The following KCTD10 variants were observed in gnomAD, a reference collection of about 807,000 sequenced individuals.
The protein encoded by KCTD10 is potassium channel tetramerization domain containing 10, also known as BTB/POZ domain-containing adapter for CUL3-mediated RhoA degradation protein 3.
KCTD10 carries 13 observed loss-of-function variants against 34.6 expected under a neutral mutation model. The ratio of observed to expected loss-of-function variants is 0.38; its 90% CI spans 0.24 to 0.60. The LOEUF is 0.60. Among genes scored for constraint, KCTD10 ranks in the 20% least tolerant of loss-of-function variants. The probability of loss-of-function intolerance (pLI) is 0.66; values close to 1 mark genes in which losing one functional copy is unlikely to be tolerated. For synonymous variants in KCTD10, 156 were observed against 168.8 expected (o/e 0.92, Z 0.59); for missense variants, 256 against 420.3 (o/e 0.61, Z 3.42).
chr12:109,473,335 G>A (rs899409512), intron 1 of KCTD10, among the ~76,000 whole-genome samples: 1 of 152,124 alleles, frequency 6.6e-6, no homozygotes, highest in Non-Finnish European at 1.5e-5. Flanking sequence ...TGTGCATAAG[G>A]CCCCAGCCCT....
At chr12:109,455,973 A>C (rs1267840355) in intron 6 of KCTD10, 145 bp downstream of exon 6, 3 of 821,948 alleles carry the variant, frequency 3.6e-6, no homozygotes. Flanking sequence ...AGGGCCTAAA[A>C]GATAAATATT....
chr12:109,458,029 G>T lies in KCTD10; in HGVS notation c.437C>A (p.Ser146Tyr), dbSNP rs753877578. Residue 146 changes from serine to tyrosine, a missense_variant, in exon 4 of 7, where the codon TCC becomes TAC. Physicochemically the swap from Ser to Tyr is moderately radical, Grantham distance 144 (BLOSUM62 -2). Transcript: ENST00000228495. The part of the protein sequence containing the change: ...PFCKVPVITS[S>Y]KEEQKLIATS... ...CGCTATAAGTTTTTGTTCTTCCTTG[G>T]ATGAGGTGATCACAGGGACCTTGCA... 1.2e-6 allele frequency: 2 copies of T among 1,614,120 alleles called. No homozygotes were observed. The highest frequency in any genetic ancestry group is 2.2e-5 in the South Asian group (2 of 91,076).
At chr12:109,462,446 A>T (rs1873385855) in intron 2 of KCTD10, among the ~76,000 whole-genome samples, 1 of 152,272 alleles carries the variant, frequency 6.6e-6, no homozygotes, top group African/African-American at 2.4e-5. Context: ...TTCAGGGAAG[A>T]AAGAGGCCTT....
chr12:109,453,299 C>T (rs1320080270), intron 6 of KCTD10, among the ~76,000 whole-genome samples: 1 of 151,704 alleles, frequency 6.6e-6, no homozygotes, highest in Admixed American at 6.6e-5. Context: ...AAATGATTCT[C>T]CCACCTCAGC....
In KCTD10 at chr12:109,472,553, T is replaced by C. The variant is rs117719326; in HGVS notation, c.4-2825A>G. Among the ~76,000 whole-genome samples the C allele has an allele frequency of 9.8e-4, 150 of 152,292 alleles. 1 individual carries two copies. The East Asian group carries it at 0.019, about 19-fold the overall frequency. ...GTAGGAGTATATTCTAAAATAACCATTAATAGTAAATACATTAACCAGTGA... is the reference window on the plus strand; with the variant it reads ...GTAGGAGTATATTCTAAAATAACCACTAATAGTAAATACATTAACCAGTGA... On this transcript the variant is annotated intron_variant, in intron 1 of 6. Transcript: ENST00000228495.
At chr12:109,453,430 G>A (rs1387725751) in intron 6 of KCTD10, among the ~76,000 whole-genome samples, 1 of 152,198 alleles carries the variant, frequency 6.6e-6, no homozygotes, top group East Asian at 1.9e-4. Flanking sequence ...CTGGACTCAA[G>A]CAATCCTTCT....
At chr12:109,461,229 C>T (rs1873309017) in intron 2 of KCTD10, among the ~76,000 whole-genome samples, 1 of 152,230 alleles carries the variant, frequency 6.6e-6, no homozygotes, top group Non-Finnish European at 1.5e-5. Flanking sequence ...CACAAAGCTT[C>T]CTTCAAACTG....
intron 6 of KCTD10, among the ~76,000 whole-genome samples, chr12:109,453,508 T>C (rs1473882993): frequency 6.6e-6 from 1 of 152,190 alleles, no homozygotes; most frequent in African/African-American, 2.4e-5. Context: ...CTTTATTTTC[T>C]TGCACCCAGA....
Position 109,460,944 on chromosome 12 carries a change from C to A in KCTD10, c.218-139G>T, listed in dbSNP as rs1369320309. 8.7e-6 allele frequency: 7 copies of A among 807,534 alleles called. No individual in the cohort carries two copies. In the African/African-American group the frequency reaches 1.0e-4, roughly 12 times the overall value. The allele number at this position is 807,534 out of a possible 1,614,324, so 50.0% of individuals were successfully genotyped here. On this transcript the variant is annotated intron_variant, in intron 2 of 6. Transcript: ENST00000228495. This position sits in a 1 kb window ranked among gnomAD's most constrained non-coding sequence, Gnocchi z 4.5. ...CCTGGAGAATGGCAGCCTCACCTGC[C>A]TACCTGCCCACTAAGGGCTGAGGAA...
chr12:109,475,352 C>T (rs1874109360), intron 1 of KCTD10, among the ~76,000 whole-genome samples: 1 of 152,122 alleles, frequency 6.6e-6, no homozygotes, highest in Admixed American at 6.5e-5. Flanking sequence ...TGGCACACAC[C>T]TGTAGTCCCA....
chr12:109,471,353 G>C (rs1873876814), intron 1 of KCTD10: 1 of 985,314 alleles, frequency 1.0e-6, no homozygotes, highest in African/African-American at 1.7e-5. Context: ...ACAGTGGCCT[G>C]GATATCACCT....
At chr12:109,463,039 G>A (rs925116848) in intron 2 of KCTD10, among the ~76,000 whole-genome samples, 1 of 152,116 alleles carries the variant, frequency 6.6e-6, no homozygotes, top group Non-Finnish European at 1.5e-5. Context: ...GAGAGGTGCA[G>A]TGCCATTCCC....
At position 109,477,282 on chromosome 12, in the gene KCTD10, G is replaced by GA. The variant is rs1874437543; in HGVS notation, c.-21dup. 1 of 1,613,862 alleles carries GA rather than the reference G, an allele frequency of 6.2e-7. No homozygotes were observed. Among genetic ancestry groups the GA allele is most frequent in the African/African-American group, 1.3e-5 (1 of 75,020 alleles). Reference sequence around the variant, plus strand: ...TACCATGAAAAGTCGGAGGACGCAGGAGTCTCCAAACCCGGACTGAGAGAG... The same window carrying GA: ...TACCATGAAAAGTCGGAGGACGCAGGAAGTCTCCAAACCCGGACTGAGAGAG... On this transcript the variant is annotated 5_prime_UTR_variant, in exon 1 of 7. Coordinates refer to ENST00000228495, the MANE Select transcript of KCTD10 (RefSeq NM_031954.5).
intron 6 of KCTD10, among the ~76,000 whole-genome samples, chr12:109,452,845 C>CT (rs746503433): frequency 3.0e-4 from 43 of 143,766 alleles, no homozygotes; most frequent in East Asian, 1.4e-3. Flanking sequence ...GTTTTCTTTC[C>CT]TTTTTTTTTA....
intron 1 of KCTD10, chr12:109,470,099 C>T: frequency 9.4e-7 from 1 of 1,063,468 alleles, no homozygotes; most frequent in East Asian, 7.5e-5. Flanking sequence ...TAAGCACTTC[C>T]TTTCTGCCTA....
chr12:109,471,709 G>A (rs10850219), intron 1 of KCTD10, among the ~76,000 whole-genome samples: 37 of 152,112 alleles, frequency 2.4e-4, no homozygotes, highest in African/African-American at 7.7e-4. Flanking sequence ...GACCTCGAAG[G>A]GGGGGAGAAA....
chr12:109,459,669 G>A (rs1287756579), intron 3 of KCTD10: 1 of 152,248 alleles, frequency 6.6e-6, no homozygotes, highest in Non-Finnish European at 1.5e-5. Flanking sequence ...TGGGGGTAGA[G>A]GTAGGGGCAG....
At chr12:109,464,775 T>C (rs778603203) in intron 2 of KCTD10, 3 of 454,836 alleles carry the variant, frequency 6.6e-6, no homozygotes, top group Admixed American at 4.7e-5. Flanking sequence ...TACCATATCA[T>C]ACTCACCAGA....
chr12:109,455,133 C>T (rs1240867727), intron 6 of KCTD10, among the ~76,000 whole-genome samples: 1 of 152,054 alleles, frequency 6.6e-6, no homozygotes, highest in Non-Finnish European at 1.5e-5. Context: ...CCCCTGCCCC[C>T]GGGATCTTTG....
Sources: gnomAD v4.1 joint callset for allele counts (sites outside exome capture counted in the v4.1 genomes callset) on GRCh38, gnomAD v4.1.1 for gene constraint, Gnocchi (gnomAD v3.1) non-coding constraint, MANE v1.5 for transcripts, NCBI Gene and HGNC (gene_info 2026-07-23, HGNC 2026-07-21) for gene names.